INO80D: variants seen among roughly 807,000 people sequenced by gnomAD.
The protein encoded by INO80D is INO80 complex subunit D.
INO80D carries 21 observed loss-of-function variants against 87.6 expected under a neutral mutation model. That is an observed-to-expected ratio of 0.24 (90% confidence interval 0.17 to 0.35). The LOEUF is 0.35. INO80D is among the 10% of genes least tolerant of loss of function. The probability of loss-of-function intolerance (pLI) is 1.00; values close to 1 mark genes in which losing one functional copy is unlikely to be tolerated. For missense variants in INO80D, 982 were observed against 1,280.7 expected (o/e 0.77, Z 3.56); for synonymous variants, 440 against 491.0 (o/e 0.90, Z 1.37).
chr2:205,996,738 C>T lies in INO80D; in HGVS notation c.*7630G>A. Reference sequence around the variant, plus strand: ...GGCAAGTTCACATTCAGCAAAGTGCCACCACATCCCATATACACATCTCTG... The same window carrying T: ...GGCAAGTTCACATTCAGCAAAGTGCTACCACATCCCATATACACATCTCTG... On this transcript the variant is annotated 3_prime_UTR_variant, in exon 11 of 11. Coordinates refer to ENST00000403263, the MANE Select transcript of INO80D (RefSeq NM_017759.5). 1 of 152,000 alleles carries T rather than the reference C, an allele frequency of 6.6e-6. No homozygotes were observed. The highest frequency in any genetic ancestry group is 2.4e-5 in the African/African-American group (1 of 41,410). 9.4% of individuals were successfully genotyped at this position (152,000 alleles called of 1,614,324 possible). A position where few individuals can be genotyped will look rare whatever the true frequency, so the allele number is the denominator to read the frequency against.
intron 1 of INO80D, among the ~76,000 whole-genome samples, chr2:206,079,414 G>A (rs1464429551): frequency 2.6e-5 from 4 of 152,144 alleles, no homozygotes; most frequent in Non-Finnish European, 5.9e-5. Context: ...TGCATATGTG[G>A]ATTTTTCTGG....
Position 206,062,891 on chromosome 2 carries a change from C to T in INO80D, c.126G>A (p.Glu42=). The T allele has an allele frequency of 6.2e-7, 1 of 1,613,506 alleles. No individual in the cohort carries two copies. The change falls in exon 3 of 11, where the codon GAG becomes GAA. Residue 42 remains glutamate (E), a synonymous_variant. Coordinates refer to ENST00000403263, the MANE Select transcript of INO80D (RefSeq NM_017759.5). This position sits in a 1 kb window ranked among gnomAD's most constrained non-coding sequence, Gnocchi z 4.6. ...GYAFCIRHVL[E]DKTAPFKQCE... ...ATTGCTTGAAGGGGGCAGTCTTGTC[C>T]TCCAGAACGTGTCTGATACAGAAGG...
chr2:206,023,680 T>TAAAAA (rs55665575), intron 6 of INO80D, among the ~76,000 whole-genome samples: 3 of 101,506 alleles, frequency 3.0e-5, no homozygotes, highest in South Asian at 3.2e-4. Flanking sequence ...GAGACTCATC[T>TAAAAA]AAAAAAAAAA....
chr2:206,056,136 C>T, intron 4 of INO80D, 62 bp downstream of exon 4: 1 of 1,482,590 alleles, frequency 6.7e-7, no homozygotes, highest in Non-Finnish European at 9.1e-7. Context: ...AGGGAAGCTC[C>T]ACACAACCGA....
In INO80D at chr2:206,005,084, C is replaced by T. The variant is rs181036566; in HGVS notation, c.2368G>A (p.Gly790Ser). ...FPGQFHGLHD[G>S]SHASQRPHPA... ...TGTGGCCTCTGGGAGGCATGGCTGC[C>T]GTCATGAAGTCCATGAAACTGTCCT... The change falls in exon 11 of 11, where the codon GGC (glycine) becomes AGC (serine). Residue 790 changes from glycine (G) to serine (S), a missense_variant. Gly to Ser is a moderately conservative substitution (Grantham distance 56). Transcript: ENST00000403263. 24 of 1,613,918 alleles carry T rather than the reference C, an allele frequency of 1.5e-5. No individual in the cohort carries two copies. In the Admixed American group the frequency reaches 3.3e-4, roughly 22 times the overall value.
At chr2:206,022,294 G>A (rs886262518) in intron 6 of INO80D, among the ~76,000 whole-genome samples, 6 of 151,252 alleles carry the variant, frequency 4.0e-5, no homozygotes, top group Non-Finnish European at 4.4e-5. Context: ...TTGAACCCAG[G>A]AGGTGGAGGT....
At chr2:206,075,863 G>A (rs986358492) in intron 1 of INO80D, among the ~76,000 whole-genome samples, 10 of 151,596 alleles carry the variant, frequency 6.6e-5, no homozygotes, top group Non-Finnish European at 1.2e-4. Flanking sequence ...AGACCAGCCC[G>A]GCCAATATGG....
intron 10 of INO80D, among the ~76,000 whole-genome samples, chr2:206,006,953 G>A (rs1414803939): frequency 3.9e-5 from 6 of 152,160 alleles, no homozygotes; most frequent in Non-Finnish European, 7.3e-5. Context: ...AGGCCGAGGC[G>A]AAAGAATCGC....
intron 5 of INO80D, among the ~76,000 whole-genome samples, chr2:206,034,554 T>A (rs1046257921): frequency 6.6e-6 from 1 of 152,136 alleles, no homozygotes; most frequent in Admixed American, 6.5e-5. Context: ...CTCTTTATGA[T>A]TAAAACTTTC....
chr2:206,066,362 CAA>C, intron 1 of INO80D, among the ~76,000 whole-genome samples: 1 of 152,136 alleles, frequency 6.6e-6, no homozygotes, highest in Non-Finnish European at 1.5e-5. Flanking sequence ...AATAATACAT[CAA>C]AGAGATATCT....
chr2:206,039,334 T>C (rs1053170730), intron 5 of INO80D, among the ~76,000 whole-genome samples: 2 of 151,406 alleles, frequency 1.3e-5, no homozygotes, highest in Non-Finnish European at 2.9e-5. Flanking sequence ...GAGGCAGACA[T>C]TGCGGTGAGC....
At chr2:206,042,578 G>A (rs951775937) in intron 5 of INO80D, among the ~76,000 whole-genome samples, 2 of 151,942 alleles carry the variant, frequency 1.3e-5, no homozygotes, top group East Asian at 3.9e-4. Flanking sequence ...CTACTCGGGA[G>A]GCTGAGGCTG....
intron 5 of INO80D, among the ~76,000 whole-genome samples, chr2:206,045,308 C>G (rs1236257926): frequency 1.3e-5 from 2 of 152,170 alleles, no homozygotes; most frequent in Non-Finnish European, 2.9e-5. Flanking sequence ...GTTCCCTAAG[C>G]CTAATCACCT....
chr2:206,009,963 A>T lies in INO80D; in HGVS notation c.1543-169T>A, dbSNP rs199518931. 2.6e-5 allele frequency among the ~76,000 whole-genome samples: 4 copies of T among 152,280 alleles called. No individual in the cohort carries two copies. The East Asian group carries it at 7.7e-4, about 29-fold the overall frequency. On this transcript the variant is annotated intron_variant, in intron 8 of 10. Coordinates refer to ENST00000403263, the MANE Select transcript of INO80D (RefSeq NM_017759.5). ...GACATCAAACTTCATCAATTCCAAG[A>T]TCTACATTTTAATATCTCTGCAATT...
chr2:206,078,673 G>A (rs987337154), intron 1 of INO80D, among the ~76,000 whole-genome samples: 5 of 151,824 alleles, frequency 3.3e-5, no homozygotes, highest in East Asian at 2.0e-4. Flanking sequence ...ACAGCCAGGC[G>A]CGGTGGCTCA....
chr2:206,021,501 C>T (rs532653260), intron 6 of INO80D, among the ~76,000 whole-genome samples: 105 of 152,238 alleles, frequency 6.9e-4, no homozygotes, highest in Non-Finnish European at 1.1e-3. Context: ...TTAAATTTAG[C>T]CCTATAAAAG....
chr2:206,003,674 T>A lies in INO80D; in HGVS notation c.*694A>T, dbSNP rs901045908. 17 of 152,668 alleles carry A rather than the reference T, an allele frequency of 1.1e-4. No individual in the cohort carries two copies. Among genetic ancestry groups the A allele is most frequent in the African/African-American group, 4.1e-4 (17 of 41,420 alleles). 9.5% of individuals were successfully genotyped at this position (152,668 alleles called of 1,614,324 possible). ...GACCAACCTTATTAGGACTGTGAGA[T>A]GTAGGACAGGAGAAAAGTAAGAGTT... On this transcript the variant is annotated 3_prime_UTR_variant, in exon 11 of 11. Coordinates refer to ENST00000403263, the MANE Select transcript of INO80D (RefSeq NM_017759.5).
rs1257207676 is a variant in INO80D at position 206,004,946 on chromosome 2, G to A, written c.2506C>T (p.Pro836Ser). ...HGSHYDSEHV[P>S]SPYSDHITSP... ...GTGATATGGTCACTGTAGGGAGACG[G>A]CACATGCTCACTATCATAATGGCTT... The change falls in exon 11 of 11, where the codon CCG (proline) becomes TCG (serine). Residue 836 changes from proline to serine, a missense_variant. By Grantham distance (74) the Pro-to-Ser change is moderately conservative (BLOSUM62 -1). Transcript: ENST00000403263. The surrounding 1 kb of genome is among the most constrained non-coding windows in gnomAD (Gnocchi z 4.9). 1 of 1,614,018 alleles carries A rather than the reference G, an allele frequency of 6.2e-7. No individual in the cohort carries two copies. The highest frequency in any genetic ancestry group is 1.7e-5 in the Admixed American group (1 of 60,030).
chr2:206,066,633 C>T (rs1207780054), intron 1 of INO80D, among the ~76,000 whole-genome samples: 7 of 151,774 alleles, frequency 4.6e-5, no homozygotes, highest in African/African-American at 1.7e-4. Context: ...TGGCAAAACC[C>T]TTCTCTACAA....
Sources: allele counts gnomAD v4.1 joint callset (sites outside exome capture counted in the v4.1 genomes callset), GRCh38; gene constraint gnomAD v4.1.1; non-coding constraint Gnocchi (gnomAD v3.1); transcripts MANE v1.5; gene names NCBI Gene and HGNC (gene_info 2026-07-23, HGNC 2026-07-21).